The following FAM81A variants were observed in gnomAD, a reference collection of about 807,000 sequenced individuals.
FAM81A encodes the protein family with sequence similarity 81 member A.
A neutral mutation model predicts 46.7 loss-of-function variants in FAM81A; 19 were observed. The ratio of observed to expected loss-of-function variants is 0.41; its 90% CI spans 0.28 to 0.60. The LOEUF is 0.60. Ranked by LOEUF, FAM81A falls within the 20% of genes least tolerant of loss-of-function variation. The pLI, the probability that FAM81A is intolerant of heterozygous loss-of-function variation, is 0.34. For synonymous variants in FAM81A, 183 were observed against 152.9 expected (o/e 1.20, Z -1.45); for missense variants, 377 against 453.5 (o/e 0.83, Z 1.53).
chr15:59,444,046 A>G (rs192543404), intron 1 of FAM81A: 1 of 152,414 alleles, frequency 6.6e-6, no homozygotes, highest in East Asian at 1.9e-4. Context: ...GTTCAAACTG[A>G]TCCTGCCTTC....
At chr15:59,508,745 T>C in intron 5 of FAM81A, 118 bp from the exon 6 acceptor site, 1 of 654,766 alleles carries the variant, frequency 1.5e-6, no homozygotes, top group South Asian at 2.3e-5. Flanking sequence ...TATAAATGAA[T>C]TTATCAAATT....
At chr15:59,479,565 C>T (rs1386933157) in intron 3 of FAM81A, among the ~76,000 whole-genome samples, 7 of 140,580 alleles carry the variant, frequency 5.0e-5, no homozygotes, top group Admixed American at 1.4e-4. Flanking sequence ...AATAAGGTGA[C>T]GTGTGAATTG....
intron 3 of FAM81A, among the ~76,000 whole-genome samples, chr15:59,466,920 C>A (rs1314864473): frequency 1.3e-5 from 2 of 152,176 alleles, no homozygotes. Context: ...CAGCTTTCTG[C>A]ATATGGCTAG....
At chr15:59,510,851 A>G (rs2082200809) in intron 6 of FAM81A, among the ~76,000 whole-genome samples, 1 of 151,532 alleles carries the variant, frequency 6.6e-6, no homozygotes, top group Non-Finnish European at 1.5e-5. Context: ...GGAATTTTAA[A>G]AAGACAGCCT....
intron 2 of FAM81A, among the ~76,000 whole-genome samples, chr15:59,418,136 G>T (rs1336309387): frequency 1.3e-5 from 2 of 152,146 alleles, no homozygotes; most frequent in Non-Finnish European, 2.9e-5. Context: ...ATCTAACTTT[G>T]TCGGGAAGAC....
intron 2 of FAM81A, among the ~76,000 whole-genome samples, chr15:59,425,607 C>G (rs927524530): frequency 2.0e-5 from 3 of 151,900 alleles, no homozygotes. Flanking sequence ...TAGGCTTTGC[C>G]TTGGCTATTC....
At chr15:59,431,421 G>A (rs1391541404) in intron 2 of FAM81A, among the ~76,000 whole-genome samples, 1 of 151,850 alleles carries the variant, frequency 6.6e-6, no homozygotes, top group African/African-American at 2.4e-5. Context: ...TTTTAGTAGA[G>A]TTGGGGTTTC....
Position 59,465,459 on chromosome 15 carries a change from G to A in FAM81A, c.294+5253G>A, listed in dbSNP as rs894076698. On this transcript the variant is annotated intron_variant, in intron 3 of 8. Transcript: ENST00000288228. ...GGCTAATTTTTGTATTTTTAGTAGA[G>A]ACAGGGTTTCACCATGTTGGCTAGG... is the stretch of plus-strand genomic sequence containing the variant. Among the ~76,000 whole-genome samples the A allele has an allele frequency of 4.6e-5, 7 of 152,206 alleles. No individual in the cohort carries two copies. The South Asian group carries it at 8.3e-4, about 18-fold the overall frequency.
chr15:59,496,492 C>G (rs2082035355), intron 4 of FAM81A, among the ~76,000 whole-genome samples: 1 of 152,160 alleles, frequency 6.6e-6, no homozygotes, highest in African/African-American at 2.4e-5. Context: ...GTAGTCCCAG[C>G]TACTCAGGAG....
intron 1 of FAM81A, among the ~76,000 whole-genome samples, chr15:59,439,315 CT>C (rs780185909): frequency 6.6e-6 from 1 of 151,690 alleles, no homozygotes; most frequent in Non-Finnish European, 1.5e-5. Flanking sequence ...TAAATATATT[CT>C]TTATTGAGAA....
At chr15:59,479,368 G>C (rs188095702) in intron 3 of FAM81A, among the ~76,000 whole-genome samples, 1 of 151,878 alleles carries the variant, frequency 6.6e-6, no homozygotes, top group African/African-American at 2.4e-5. Context: ...AAAATTAGCC[G>C]GGTGTGGTGG....
chr15:59,516,100 G>C (rs2082263291), intron 7 of FAM81A, among the ~76,000 whole-genome samples: 1 of 149,886 alleles, frequency 6.7e-6, no homozygotes, highest in Admixed American at 6.7e-5. Context: ...ATATACACTT[G>C]TACTTACATC....
In FAM81A at chr15:59,431,739, G is replaced by C. The variant is rs531978260; in HGVS notation, c.-77-26811G>C. The stretch of plus-strand genomic sequence containing the variant: ...TAACTTGCCCAAGCACATACAGATA[G>C]TTTCCAGCACCTTTAAAGTATGAAT... On this transcript the variant is annotated intron_variant, in intron 2 of 4. Coordinates refer to the FAM81A transcript ENST00000558348. Among the ~76,000 whole-genome samples the C allele has an allele frequency of 6.6e-5, 10 of 152,290 alleles. No individual in the cohort carries two copies. The East Asian group carries it at 1.9e-3, about 29-fold the overall frequency.
intron 3 of FAM81A, among the ~76,000 whole-genome samples, chr15:59,466,535 C>T (rs1442763516): frequency 2.0e-5 from 3 of 151,190 alleles, no homozygotes; most frequent in Admixed American, 6.6e-5. Context: ...TTTCCTTTGC[C>T]CACTTTTTGA....
intron 1 of FAM81A, among the ~76,000 whole-genome samples, chr15:59,454,179 A>G (rs1370469599): frequency 6.6e-6 from 1 of 152,216 alleles, no homozygotes; most frequent in Non-Finnish European, 1.5e-5. Flanking sequence ...TTGTTTTACC[A>G]TCATATTACA....
intron 3 of FAM81A, among the ~76,000 whole-genome samples, chr15:59,481,523 C>G (rs1198770631): frequency 6.6e-6 from 1 of 152,070 alleles, no homozygotes; most frequent in Non-Finnish European, 1.5e-5. Flanking sequence ...TCTTAATACA[C>G]AGCTGGAATC....
intron 1 of FAM81A, among the ~76,000 whole-genome samples, chr15:59,450,152 C>T (rs2141611479): frequency 6.7e-6 from 1 of 148,448 alleles, no homozygotes; most frequent in East Asian, 2.0e-4. Flanking sequence ...TGCCCAGGCC[C>T]AGTCCTGGGT....
chr15:59,505,929 G>C (rs1369478101), intron 4 of FAM81A, among the ~76,000 whole-genome samples: 1 of 152,036 alleles, frequency 6.6e-6, no homozygotes, highest in Non-Finnish European at 1.5e-5. Flanking sequence ...TGAATGTCTG[G>C]CCATCTCTTA....
At chr15:59,411,596 T>C (rs1366301384) in intron 2 of FAM81A, among the ~76,000 whole-genome samples, 8 of 152,092 alleles carry the variant, frequency 5.3e-5, no homozygotes, top group African/African-American at 1.9e-4. Context: ...AGGTGTGAAA[T>C]CATCTCCCTC....
Sources: allele counts gnomAD v4.1 joint callset (sites outside exome capture counted in the v4.1 genomes callset), GRCh38; gene constraint gnomAD v4.1.1; transcripts MANE v1.5; gene names NCBI Gene and HGNC (gene_info 2026-07-23, HGNC 2026-07-21).